SMG1: variants seen among roughly 807,000 people sequenced by gnomAD.
SMG1 encodes the protein SMG1 nonsense mediated mRNA decay associated PI3K related kinase, also known as serine/threonine-protein kinase SMG1.
In SMG1, 22 loss-of-function variants were observed where a neutral mutation model predicts 419.9. The observed-to-expected ratio is 0.05, with a 90% CI of 0.04 to 0.07. The LOEUF is 0.07. SMG1 is among the 10% of genes least tolerant of loss of function. SMG1 has a pLI of 1.00. For missense variants in SMG1, 3,185 were observed against 4,342.0 expected (o/e 0.73, Z 7.49); for synonymous variants, 1,538 against 1,553.5 (o/e 0.99, Z 0.23).
chr16:18,876,707 A>G (rs1021873290), intron 12 of SMG1, among the ~76,000 whole-genome samples: 3 of 149,844 alleles, frequency 2.0e-5, no homozygotes, highest in African/African-American at 4.9e-5. Context: ...AGACATATGC[A>G]AACAGCAGTT....
intron 1 of SMG1, among the ~76,000 whole-genome samples, chr16:18,909,680 G>A (rs2037716480): frequency 6.6e-6 from 1 of 152,218 alleles, no homozygotes; most frequent in Admixed American, 6.5e-5. Context: ...AAAGGAAGAT[G>A]CCTTTCAAGA....
chr16:18,880,812 C>T (rs2036356024), intron 10 of SMG1, among the ~76,000 whole-genome samples: 1 of 150,898 alleles, frequency 6.6e-6, no homozygotes, highest in Non-Finnish European at 1.5e-5. Flanking sequence ...GGTGGGAAGA[C>T]TGCTTGAGGC....
At chr16:18,847,789 T>C in intron 37 of SMG1, 27 bp downstream of exon 37, 12 of 1,604,932 alleles carry the variant, frequency 7.5e-6, no homozygotes, top group Non-Finnish European at 1.0e-5. Flanking sequence ...TAAAAAATTC[T>C]TCTACAACAT....
In SMG1 at chr16:18,857,365, TATTTAA is replaced by T. The variant is rs1375713752; in HGVS notation, c.4234+799_4234+804del. The T allele has an allele frequency of 2.6e-5, 4 of 152,308 alleles. No homozygotes were observed. The East Asian group carries it at 7.7e-4, about 29-fold the overall frequency. 9.4% of individuals were successfully genotyped at this position (152,308 alleles called of 1,614,324 possible). A position where few individuals can be genotyped will look rare whatever the true frequency, so the allele number is the denominator to read the frequency against. ...TAATTCTCTAGCCATTCATTTGGAGTATTTAAAACTCAATATTCATAGCGCATTTTA... is the reference window on the plus strand; with the variant it reads ...TAATTCTCTAGCCATTCATTTGGAGTAACTCAATATTCATAGCGCATTTTA... On this transcript the variant is annotated intron_variant, in intron 29 of 62. Coordinates refer to ENST00000446231, the MANE Select transcript of SMG1 (RefSeq NM_015092.5).
chr16:18,894,489 G>A (rs537626082), intron 3 of SMG1, among the ~76,000 whole-genome samples: 2 of 152,124 alleles, frequency 1.3e-5, no homozygotes, highest in South Asian at 2.1e-4. Context: ...CTTTAGAGTC[G>A]CTGTTTAGCT....
chr16:18,820,242 G>A (rs1010285228), intron 55 of SMG1, among the ~76,000 whole-genome samples: 2 of 152,004 alleles, frequency 1.3e-5, no homozygotes, highest in Non-Finnish European at 2.9e-5. Flanking sequence ...GGGATTACAG[G>A]TGTGAGCCAG....
At chr16:18,894,984 A>AT (rs1334802431) in intron 3 of SMG1, among the ~76,000 whole-genome samples, 1 of 151,844 alleles carries the variant, frequency 6.6e-6, no homozygotes, top group African/African-American at 2.4e-5. Flanking sequence ...CACCCGGCTA[A>AT]TTTTTTGTAT....
Position 18,872,565 on chromosome 16 carries a change from G to A in SMG1, c.1950C>T (p.His650=). 1 of 1,485,978 alleles carries A rather than the reference G, an allele frequency of 6.7e-7. No individual in the cohort carries two copies. Among genetic ancestry groups the A allele is most frequent in the Non-Finnish European group, 9.1e-7 (1 of 1,102,584 alleles). 92.0% of individuals were successfully genotyped at this position (1,485,978 alleles called of 1,614,324 possible). Residue 650 remains histidine (H), a synonymous_variant, in exon 14 of 63, where the codon CAC becomes CAT. Transcript: ENST00000446231. The part of the protein sequence containing the change: ...ALLSKNLMIV[H]SDLAVHFPAI... ...CAGGGAAGTGAACAGCCAGGTCACT[G>A]TGCACAATCATCAGATTCTTACTCA...
In SMG1 at chr16:18,818,402, A is replaced by T. The variant is rs568166701; in HGVS notation, c.9895-932T>A. 1.1e-3 allele frequency among the ~76,000 whole-genome samples: 170 copies of T among 148,880 alleles called. 1 individual carries two copies. The highest frequency in any genetic ancestry group is 3.4e-3 in the African/African-American group (137 of 40,552). On this transcript the variant is annotated intron_variant, in intron 56 of 62. Transcript: ENST00000446231. ...CTCCGTCTCAAAAAAAACAAAAAAA[A>T]TTTTTTTTTTGGTAGAGACAGTGTC...
At chr16:18,814,244 T>C (rs183513560) in intron 60 of SMG1, among the ~76,000 whole-genome samples, 44 of 152,052 alleles carry the variant, frequency 2.9e-4, no homozygotes, top group Admixed American at 1.0e-3. Context: ...AGCAAGTAAA[T>C]CAACAAATGC....
rs1412570286 is a variant in SMG1 at position 18,809,481 on chromosome 16, C to CT, written c.*87dup. On this transcript the variant is annotated 3_prime_UTR_variant, in exon 63 of 63. Transcript: ENST00000446231. ...AAGCCCCCAGTTGCATCACCACCGA[C>CT]TGTGGTGTGGCTTTGGATGCCTGAG... The CT allele has an allele frequency of 3.1e-6, 3 of 980,586 alleles. No homozygotes were observed. Among genetic ancestry groups the CT allele is most frequent in the Non-Finnish European group, 4.8e-6 (3 of 623,924 alleles). The allele number at this position is 980,586 out of a possible 1,614,324, so 60.7% of individuals were successfully genotyped here.
intron 55 of SMG1, among the ~76,000 whole-genome samples, chr16:18,820,591 A>AT (rs1466692919): frequency 1.1e-4 from 17 of 152,226 alleles, no homozygotes; most frequent in Admixed American, 3.3e-4. Flanking sequence ...TTTATTCAAC[A>AT]TTTCAGGTGG....
At position 18,891,543 on chromosome 16, in the gene SMG1, C is replaced by A. The variant is rs530731899; in HGVS notation, c.550-622G>T. ...CTCCGTTTCCTGGGTTCAAGCGATT[C>A]TCCTGCTCAGCCTCCCATGTAGCTG... On this transcript the variant is annotated intron_variant, in intron 4 of 62. Transcript: ENST00000446231. 4.6e-5 allele frequency among the ~76,000 whole-genome samples: 7 copies of A among 151,682 alleles called. No individual in the cohort carries two copies. In the East Asian group the frequency reaches 1.4e-3, roughly 30 times the overall value.
Position 18,842,219 on chromosome 16 carries a change from T to C in SMG1, c.6455A>G (p.Tyr2152Cys). 1 of 1,613,344 alleles carries C rather than the reference T, an allele frequency of 6.2e-7. No homozygotes were observed. Among genetic ancestry groups the C allele is most frequent in the East Asian group, 2.2e-5 (1 of 44,872 alleles). Residue 2152 changes from tyrosine (Y) to cysteine (C), a missense_variant, in exon 40 of 63, where the codon TAT becomes TGT. By Grantham distance (194) the Tyr-to-Cys change is radical (BLOSUM62 -2). Transcript: ENST00000446231. The part of the protein sequence containing the change: ...FLGSDGKSYP[Y>C]LFKGLEDLHL... ...GTCTTAAATCCTACCTTTGAAAAGA[T>C]AAGGATAGCTCTTCCCATCTGATCC...
intron 10 of SMG1, among the ~76,000 whole-genome samples, chr16:18,880,980 A>AC (rs1379919964): frequency 6.6e-6 from 1 of 151,106 alleles, no homozygotes; most frequent in South Asian, 2.1e-4. Flanking sequence ...AAAAAAAAAA[A>AC]AAAGCTGGGT....
intron 8 of SMG1, 72 bp from the exon 9 acceptor site, chr16:18,884,239 A>G (rs1446487006): frequency 1.4e-6 from 1 of 711,534 alleles, no homozygotes; most frequent in East Asian, 2.7e-5. Flanking sequence ...TTAAAAAAAA[A>G]TAAGAGGCTT....
At chr16:18,898,922 C>T (rs1023423682) in intron 1 of SMG1, among the ~76,000 whole-genome samples, 2 of 152,132 alleles carry the variant, frequency 1.3e-5, no homozygotes, top group Non-Finnish European at 2.9e-5. Flanking sequence ...TGCCTTTGCA[C>T]AAATTACTTG....
intron 60 of SMG1, among the ~76,000 whole-genome samples, chr16:18,812,647 T>TATACACATATAC (rs67600193): frequency 0.027 from 3,485 of 127,654 alleles, 86 homozygotes; most frequent in African/African-American, 0.061. Flanking sequence ...TATACACATA[T>TATACACATATAC]ACACACACAC....
Position 18,815,238 on chromosome 16 carries a change from C to T in SMG1, c.10558G>A (p.Asp3520Asn), listed in dbSNP as rs1321861182. 14 of 1,594,550 alleles carry T rather than the reference C, an allele frequency of 8.8e-6. No homozygotes were observed. The highest frequency in any genetic ancestry group is 1.1e-5 in the Non-Finnish European group (13 of 1,170,046). Residue 3520 changes from aspartate (D) to asparagine (N), a missense_variant, in exon 60 of 63, where the codon GAT becomes AAT. By Grantham distance (23) the Asp-to-Asn change is conservative (BLOSUM62 1). Transcript: ENST00000446231. ...GGACTCGAACATTCATTTGTTGCAT[C>T]GGTGACTAAGGGTGATGCAAAACTC... is the stretch of plus-strand genomic sequence containing the variant. ...LVSFASPLVT[D>N]ATNECSSPTS...
Sources: allele counts gnomAD v4.1 joint callset (sites outside exome capture counted in the v4.1 genomes callset), GRCh38; gene constraint gnomAD v4.1.1; transcripts MANE v1.5; gene names NCBI Gene and HGNC (gene_info 2026-07-23, HGNC 2026-07-21).